Variants in SYT13 observed in about 807,000 individuals in gnomAD.
SYT13 encodes synaptotagmin 13.
In SYT13, 21 loss-of-function variants were observed where a neutral mutation model predicts 38.6. That is an observed-to-expected ratio of 0.54 (90% CI 0.39 to 0.78). The LOEUF is 0.78. SYT13 is among the 30% of genes least tolerant of loss of function. The probability of loss-of-function intolerance (pLI) is 0.00; values close to 1 mark genes in which losing one functional copy is unlikely to be tolerated. For synonymous variants in SYT13, 241 were observed against 237.6 expected (o/e 1.01, Z -0.13); for missense variants, 495 against 548.7 (o/e 0.90, Z 0.98).
chr11:45,274,308 A>G (rs559650900), intron 1 of SYT13, among the ~76,000 whole-genome samples: 39 of 152,202 alleles, frequency 2.6e-4, no homozygotes, highest in African/African-American at 8.9e-4. Context: ...CTTTGTCTCT[A>G]TGTGTTTTGT....
At chr11:45,245,792 G>A (rs1854607706) in intron 5 of SYT13, among the ~76,000 whole-genome samples, 1 of 152,318 alleles carries the variant, frequency 6.6e-6, no homozygotes, top group East Asian at 1.9e-4. Flanking sequence ...GACGCCTGAA[G>A]CCTCAGGCCT....
At chr11:45,285,945 C>A in intron 1 of SYT13, 80 bp downstream of exon 1, 6 of 1,540,898 alleles carry the variant, frequency 3.9e-6, no homozygotes, top group Non-Finnish European at 5.2e-6. Context: ...CCACGACCGC[C>A]TCCCACCCCA....
At chr11:45,276,798 C>T (rs1266097444) in intron 1 of SYT13, among the ~76,000 whole-genome samples, 1 of 152,012 alleles carries the variant, frequency 6.6e-6, no homozygotes, top group Admixed American at 6.6e-5. Context: ...TCATACATTG[C>T]TGGTGGAGAT....
chr11:45,263,040 C>T (rs1371076704), intron 1 of SYT13, among the ~76,000 whole-genome samples: 1 of 152,124 alleles, frequency 6.6e-6, no homozygotes, highest in East Asian at 1.9e-4. Context: ...TGTGCTTGTC[C>T]TCTCTCCTCC....
In SYT13 at chr11:45,254,391, A is replaced by C; in HGVS notation, c.423T>G (p.Asp141Glu). ...GGTTCCAGGTCTCCATGACACAGAC[A>C]TCCTCCACCACACCTGTTAAGAAAG... ...FILPQNGVVEDVCVMETWNPE... is the reference protein window; with the variant it reads ...FILPQNGVVEEVCVMETWNPE... The change falls in exon 3 of 6, where the codon GAT (aspartate) becomes GAG (glutamate). Residue 141 changes from aspartate to glutamate, a missense_variant. Transcript: ENST00000020926. 6.2e-7 allele frequency: 1 copy of C among 1,613,144 alleles called. No homozygotes were observed. Among genetic ancestry groups the C allele is most frequent in the Admixed American group, 1.7e-5 (1 of 59,860 alleles).
chr11:45,273,375 T>C (rs1258059155), intron 1 of SYT13, among the ~76,000 whole-genome samples: 2 of 151,788 alleles, frequency 1.3e-5, no homozygotes, highest in Non-Finnish European at 2.9e-5. Flanking sequence ...TGTCCTCAGA[T>C]CTCCTTTGGG....
chr11:45,262,768 C>A (rs1565386516), intron 1 of SYT13, among the ~76,000 whole-genome samples: 1 of 63,372 alleles, frequency 1.6e-5, no homozygotes, highest in Non-Finnish European at 3.2e-5. Context: ...CACACACACA[C>A]AAATTGAACT....
chr11:45,252,598 C>T lies in SYT13; in HGVS notation c.669G>A (p.Glu223=), dbSNP rs1854691562. The stretch of plus-strand genomic sequence containing the variant: ...CCTCCGCCAGGGGGAGCACCAGGCC[C>T]TCCTCCCAGGTGGTGTGCAGCTGCC... ...KKRQLHTTWE[E]GLVLPLAEEE... Residue 223 remains glutamate (E), a synonymous_variant, in exon 4 of 6, where the codon GAG becomes GAA. Coordinates refer to ENST00000020926, the MANE Select transcript of SYT13 (RefSeq NM_020826.3). The surrounding 1 kb of genome is among the most constrained non-coding windows in gnomAD (Gnocchi z 4.3). 6.2e-7 allele frequency: 1 copy of T among 1,614,200 alleles called. No individual in the cohort carries two copies. Among genetic ancestry groups the T allele is most frequent in the Non-Finnish European group, 8.5e-7 (1 of 1,180,030 alleles).
rs1854664209 is a variant in SYT13, at chr11:45,250,735, G to GA, written c.846+1685dup. 2.0e-5 allele frequency among the ~76,000 whole-genome samples: 3 copies of GA among 152,168 alleles called. No individual in the cohort carries two copies. In the South Asian group the frequency reaches 6.2e-4, roughly 32 times the overall value. On this transcript the variant is annotated intron_variant, in intron 4 of 5. Coordinates refer to ENST00000020926, the MANE Select transcript of SYT13 (RefSeq NM_020826.3). ...ACAATTTTCTGAGCCTGGGAAAGAG[G>GA]AAAAAATGGAGCAAGGAGGAAATCA...
At chr11:45,276,548 T>C (rs952221143) in intron 1 of SYT13, among the ~76,000 whole-genome samples, 3 of 152,216 alleles carry the variant, frequency 2.0e-5, no homozygotes, top group Admixed American at 6.5e-5. Context: ...AACCTGCACG[T>C]TCTGCACATG....
rs74754379 is a variant in SYT13, at chr11:45,256,723, C to A, written c.184-832G>T. Among the ~76,000 whole-genome samples, 268 of 152,300 alleles carry A rather than the reference C, an allele frequency of 1.8e-3. 2 individuals carry two copies. Among genetic ancestry groups the A allele is most frequent in the Non-Finnish European group, 3.1e-3 (210 of 68,024 alleles). On this transcript the variant is annotated intron_variant, in intron 1 of 5. Transcript: ENST00000020926. ...GGAATTATGTCTTGTCTTGCTCCTG[C>A]CTAGATTAGCCTGGTCCAAAGCCCA...
At chr11:45,280,623 C>A (rs1011426251) in intron 1 of SYT13, among the ~76,000 whole-genome samples, 1 of 152,162 alleles carries the variant, frequency 6.6e-6, no homozygotes, top group Non-Finnish European at 1.5e-5. Flanking sequence ...ATGAACAAAG[C>A]CCAGAAGCTC....
Position 45,246,467 on chromosome 11 carries a change from G to A in SYT13, c.892C>T (p.Leu298Phe). ...AGEVLLSISY[L>F]PAANRLLVVL... is the part of the protein sequence containing the mutation. ...ACCAGGAGGCGGTTGGCAGCCGGGAGGTAGCTGATGGATAGTAGGACCTCT... is the reference window on the plus strand; with the variant it reads ...ACCAGGAGGCGGTTGGCAGCCGGGAAGTAGCTGATGGATAGTAGGACCTCT... The change falls in exon 5 of 6, where the codon CTC becomes TTC. Residue 298 changes from leucine to phenylalanine, a missense_variant. Leu to Phe is a conservative substitution (Grantham distance 22, BLOSUM62 0). Coordinates refer to ENST00000020926, the MANE Select transcript of SYT13 (RefSeq NM_020826.3). 6.2e-7 allele frequency: 1 copy of A among 1,614,178 alleles called. No homozygotes were observed. Among genetic ancestry groups the A allele is most frequent in the Non-Finnish European group, 8.5e-7 (1 of 1,180,034 alleles).
Position 45,252,484 on chromosome 11 carries a change from G to A in SYT13, c.783C>T (p.Gly261=). The A allele has an allele frequency of 6.2e-7, 1 of 1,613,254 alleles. No homozygotes were observed. The highest frequency in any genetic ancestry group is 8.5e-7 in the Non-Finnish European group (1 of 1,179,740). Residue 261 remains glycine, a synonymous_variant, in exon 4 of 6, where the codon GGC becomes GGT. Transcript: ENST00000020926. This position sits in a 1 kb window ranked among gnomAD's most constrained non-coding sequence, Gnocchi z 4.3. ...CTAGAGGCACAGATGTCCCGTCCAG[G>A]CCCAGGCGGAGCTCCCCGGCCACGC... ...RHSVAGELRL[G]LDGTSVPLGA...
chr11:45,258,061 G>A (rs141104157), intron 1 of SYT13, among the ~76,000 whole-genome samples: 79 of 152,306 alleles, frequency 5.2e-4, no homozygotes, highest in African/African-American at 9.1e-4. Context: ...TGCCTGGCAC[G>A]CATAGGCTCT....
intron 4 of SYT13, among the ~76,000 whole-genome samples, chr11:45,249,144 T>A (rs1004469881): frequency 6.6e-6 from 1 of 152,096 alleles, no homozygotes; most frequent in African/African-American, 2.4e-5. Flanking sequence ...AACAGACATA[T>A]GAAAAAATGC....
intron 1 of SYT13, among the ~76,000 whole-genome samples, chr11:45,265,572 G>T (rs977751356): frequency 1.3e-5 from 2 of 152,184 alleles, no homozygotes; most frequent in African/African-American, 4.8e-5. Flanking sequence ...TGGTATCTGG[G>T]GAAAGCCCAC....
chr11:45,264,471 C>G (rs916584607), intron 1 of SYT13, among the ~76,000 whole-genome samples: 57 of 152,180 alleles, frequency 3.7e-4, no homozygotes, highest in African/African-American at 1.3e-3. Context: ...CTATAGAGAG[C>G]CCCATGTGCA....
chr11:45,272,442 A>C (rs551160080), intron 1 of SYT13, among the ~76,000 whole-genome samples: 2 of 152,198 alleles, frequency 1.3e-5, no homozygotes, highest in Non-Finnish European at 2.9e-5. Context: ...CTTCTGTGTG[A>C]ATTTCATGAC....
Sources: allele counts gnomAD v4.1 joint callset (sites outside exome capture counted in the v4.1 genomes callset), GRCh38; gene constraint gnomAD v4.1.1; non-coding constraint Gnocchi (gnomAD v3.1); transcripts MANE v1.5; gene names NCBI Gene and HGNC (gene_info 2026-07-23, HGNC 2026-07-21).